Variants in DRP2 observed in about 807,000 individuals in gnomAD.
DRP2 encodes dystrophin related protein 2, also known as dystrophin-related protein 2.
DRP2 carries 29 observed loss-of-function variants against 78.2 expected under a neutral mutation model. That is an observed-to-expected ratio of 0.37 (90% CI 0.28 to 0.51). The LOEUF is 0.51. Ranked by LOEUF, DRP2 falls within the 20% of genes least tolerant of loss-of-function variation. DRP2 has a pLI of 0.94. For synonymous variants in DRP2, 290 were observed against 281.9 expected (o/e 1.03, Z -0.29); for missense variants, 686 against 770.6 (o/e 0.89, Z 1.30).
rs767322650 is a variant in DRP2, at chrX:101,237,738, A to T, written c.401A>T (p.Asp134Val). 3 of 1,163,897 alleles carry T rather than the reference A, an allele frequency of 2.6e-6. No homozygotes were observed. The highest frequency in any genetic ancestry group is 3.5e-6 in the Non-Finnish European group (3 of 866,180). The change falls in exon 5 of 24, where the codon GAT (aspartate) becomes GTT (valine). Residue 134 changes from aspartate to valine, a missense_variant. By Grantham distance (152) the Asp-to-Val change is radical. Coordinates refer to ENST00000395209, the MANE Select transcript of DRP2 (RefSeq NM_001939.3). ...ELSAQLPLQG[D>V]VALVQQEKET... ...TCAGCTCAGCTGCCCCTACAGGGGGATGTGGCCCTGGTGCAACAGGAGAAG... is the reference window on the plus strand; with the variant it reads ...TCAGCTCAGCTGCCCCTACAGGGGGTTGTGGCCCTGGTGCAACAGGAGAAG...
Position 101,248,229 on chromosome X carries a change from C to G in DRP2, c.1393C>G (p.Leu465Val). The change falls in exon 13 of 24, where the codon CTG (leucine) becomes GTG (valine). Residue 465 changes from leucine (L) to valine (V), a missense_variant. Leu to Val is a conservative substitution (Grantham distance 32, BLOSUM62 1). This residue lies in a region of DRP2 where 423 missense variants were observed against 531.5 expected (regional missense o/e 0.80). Transcript: ENST00000395209. ...YERLEEERGILVNVPLCVDMS... is the reference protein window; with the variant it reads ...YERLEEERGIVVNVPLCVDMS... ...ACGTTTGGAGGAGGAAAGAGGCATC[C>G]TGGTCAACGTGCCACTCTGTGTGGA... 1 of 1,211,675 alleles carries G rather than the reference C, an allele frequency of 8.3e-7. No individual in the cohort carries two copies. Among genetic ancestry groups the G allele is most frequent in the Non-Finnish European group, 1.1e-6 (1 of 895,503 alleles).
rs1324301954 is a variant in DRP2, at chrX:101,258,405, C to T, written c.2487C>T (p.Asp829=). The T allele has an allele frequency of 5.0e-6, 6 of 1,206,892 alleles. No homozygotes were observed. Among genetic ancestry groups the T allele is most frequent in the Non-Finnish European group, 6.7e-6 (6 of 893,172 alleles). ...ACGGCTCCACTGAGGCAGCAACAGA[C>T]CACCGCAATGAGGAGCTTCTGGCCG... ...LADGSTEAAT[D]HRNEELLAEA... The change falls in exon 22 of 24, where the codon GAC becomes GAT. Residue 829 remains aspartate, a synonymous_variant. Transcript: ENST00000395209.
chrX:101,259,740 C>T (rs757281644), intron 22 of DRP2, among the ~76,000 whole-genome samples: 17 of 111,802 alleles, frequency 1.5e-4, no homozygotes, highest in East Asian at 5.6e-4. Flanking sequence ...TCAGGTGATC[C>T]GCCTGCGTCA....
chrX:101,237,575 T>TAAA (rs1189130418), intron 4 of DRP2, 44 bp from the exon 5 acceptor site: 4 of 1,023,383 alleles, frequency 3.9e-6, no homozygotes. Context: ...TTTTGCCACT[T>TAAA]AAAAAGAAGA....
At chrX:101,233,780 A>C (rs1403590920) in intron 3 of DRP2, among the ~76,000 whole-genome samples, 2 of 111,700 alleles carry the variant, frequency 1.8e-5, no homozygotes, top group African/African-American at 6.5e-5. Context: ...CCTCCCTGGC[A>C]ATGGCTGCCT....
At chrX:101,252,782 T>C (rs1273343796) in intron 17 of DRP2, 66 bp downstream of exon 17, 14 of 875,537 alleles carry the variant, frequency 1.6e-5, no homozygotes, top group Non-Finnish European at 2.1e-5. Context: ...TGATCCACTT[T>C]GCCCAGCATT....
chrX:101,234,504 A>T (rs950793063), intron 3 of DRP2, among the ~76,000 whole-genome samples: 2 of 112,688 alleles, frequency 1.8e-5, no homozygotes, highest in African/African-American at 6.4e-5. Flanking sequence ...GTCAGTAAAC[A>T]AACAGGGTGA....
rs1167730116 is a variant in DRP2 at position 101,224,191 on chromosome X, G to GTTTT, written c.-166-386_-166-383dup. 3.2e-3 allele frequency among the ~76,000 whole-genome samples: 124 copies of GTTTT among 38,866 alleles called. 2 individuals carry two copies. Among genetic ancestry groups the GTTTT allele is most frequent in the African/African-American group, 8.2e-3 (65 of 7,904 alleles). The allele number at this position is 38,866 out of a possible 115,157, so 33.8% of individuals were successfully genotyped here. A position where few individuals can be genotyped will look rare whatever the true frequency, so the allele number is the denominator to read the frequency against. ...AATAAATGTTTGCTGGGTTTTTTTT[G>GTTTT]TTTTTTTTTTTTTTTTTTTTTTTTT... On this transcript the variant is annotated intron_variant, in intron 1 of 23. Transcript: ENST00000395209.
At chrX:101,222,102 T>C (rs2147324889) in intron 1 of DRP2, among the ~76,000 whole-genome samples, 1 of 111,489 alleles carries the variant, frequency 9.0e-6, no homozygotes, top group South Asian at 3.8e-4. Flanking sequence ...TGCAGTTCAA[T>C]ACTTTTTTGG....
intron 3 of DRP2, among the ~76,000 whole-genome samples, chrX:101,232,494 G>T (rs1922341800): frequency 9.0e-6 from 1 of 111,469 alleles, no homozygotes; most frequent in African/African-American, 3.3e-5. Flanking sequence ...GAGCCTCACA[G>T]ATGGGCTGCA....
At chrX:101,241,620 C>T in intron 6 of DRP2, 48 bp from the exon 7 acceptor site, 1 of 1,191,347 alleles carries the variant, frequency 8.4e-7, no homozygotes, top group Non-Finnish European at 1.1e-6. Context: ...TTTCTTTGAG[C>T]TGACCCTGCC....
In DRP2 at chrX:101,260,581, G is replaced by T; in HGVS notation, c.2834G>T (p.Arg945Leu). The T allele has an allele frequency of 8.3e-7, 1 of 1,211,512 alleles. No individual in the cohort carries two copies. ...EKLRHAFPSVRSSDVTANTLL... is the reference protein window; with the variant it reads ...EKLRHAFPSVLSSDVTANTLL... ...CTCCGTCATGCCTTCCCCAGTGTGC[G>T]AAGTTCTGATGTGACTGCCAACACC... is the stretch of plus-strand genomic sequence containing the variant. The change falls in exon 24 of 24, where the codon CGA becomes CTA. Residue 945 changes from arginine to leucine, a missense_variant. Physicochemically the swap from Arg to Leu is moderately radical, Grantham distance 102. This residue lies in a region of DRP2 where 423 missense variants were observed against 531.5 expected (regional missense o/e 0.80). Coordinates refer to ENST00000395209, the MANE Select transcript of DRP2 (RefSeq NM_001939.3).
At chrX:101,257,958 AG>A (rs1230935156) in intron 21 of DRP2, among the ~76,000 whole-genome samples, 40 of 110,913 alleles carry the variant, frequency 3.6e-4, no homozygotes, top group African/African-American at 1.1e-3. Context: ...GGAGTAGGTG[AG>A]TCAGTGGCCC....
intron 1 of DRP2, among the ~76,000 whole-genome samples, chrX:101,224,345 C>T (rs1298000576): frequency 1.0e-5 from 1 of 98,249 alleles, no homozygotes; most frequent in Non-Finnish European, 2.0e-5. Flanking sequence ...GATCATGCCA[C>T]TGCACTCCAG....
intron 18 of DRP2, 133 bp downstream of exon 18, chrX:101,254,694 C>A: frequency 9.4e-7 from 1 of 1,069,242 alleles, no homozygotes; most frequent in Non-Finnish European, 1.3e-6. Flanking sequence ...GGCCGTTCAG[C>A]TTGGGCCTGA....
chrX:101,239,166 C>A (rs1922624055), intron 6 of DRP2, 65 bp downstream of exon 6: 4 of 1,128,477 alleles, frequency 3.5e-6, no homozygotes, highest in Non-Finnish European at 4.7e-6. Context: ...TGAACAAACA[C>A]CCTCCTGCCT....
At chrX:101,255,560 T>C (rs1179083740) in intron 20 of DRP2, among the ~76,000 whole-genome samples, 1 of 111,645 alleles carries the variant, frequency 9.0e-6, no homozygotes, top group Non-Finnish European at 1.9e-5. Context: ...TCATCTGAAG[T>C]TGCAGAAAGG....
intron 3 of DRP2, among the ~76,000 whole-genome samples, chrX:101,235,010 C>T (rs1922444699): frequency 9.0e-6 from 1 of 111,012 alleles, no homozygotes; most frequent in Non-Finnish European, 1.9e-5. Flanking sequence ...CCCCTTCCCT[C>T]TGCCTGCTCC....
Position 101,258,524 on chromosome X carries a change from G to A in DRP2, c.2606G>A (p.Arg869His), listed in dbSNP as rs748427909. 2 of 1,181,774 alleles carry A rather than the reference G, an allele frequency of 1.7e-6. No homozygotes were observed. The highest frequency in any genetic ancestry group is 3.1e-5 in the East Asian group (1 of 32,147). The change falls in exon 22 of 24, where the codon CGT (arginine) becomes CAT (histidine). Residue 869 changes from arginine to histidine, a missense_variant. Transcript: ENST00000395209. Reference sequence around the variant, plus strand: ...AAGCAGCTAGAGTCCCAGCTGCAGCGTCTGAGGGAGCTTCTCCTGCAGGTG... The same window carrying A: ...AAGCAGCTAGAGTCCCAGCTGCAGCATCTGAGGGAGCTTCTCCTGCAGGTG... Reference protein sequence around the residue: ...HNKQLESQLQRLRELLLQPPT... With the variant: ...HNKQLESQLQHLRELLLQPPT...
Sources: gnomAD v4.1 joint callset for allele counts (sites outside exome capture counted in the v4.1 genomes callset) on GRCh38, gnomAD v4.1.1 for gene constraint, gnomAD v4.1.1 regional missense constraint, MANE v1.5 for transcripts, NCBI Gene and HGNC (gene_info 2026-07-23, HGNC 2026-07-21) for gene names.